Variants in BTD observed in about 807,000 individuals in gnomAD.
The protein encoded by BTD is biotinidase.
BTD carries 13 observed loss-of-function variants against 17.7 expected under a neutral mutation model. The observed-to-expected ratio is 0.74, with a 90% CI of 0.48 to 1.17. The LOEUF is 1.17. Among genes scored for constraint, BTD ranks in the 50% most tolerant of loss-of-function variants. The pLI, the probability that BTD is intolerant of heterozygous loss-of-function variation, is 0.00. For synonymous variants in BTD, 240 were observed against 245.2 expected (o/e 0.98, Z 0.20); for missense variants, 674 against 650.4 (o/e 1.04, Z -0.39).
chr3:15,714,990 A>C (rs1559392151), downstream of BTD, among the ~76,000 whole-genome samples: 1 of 152,182 alleles, frequency 6.6e-6, no homozygotes, highest in Non-Finnish European at 1.5e-5. Context: ...TTCCTTGACC[A>C]AGTAAAAGTG....
intron 1 of BTD, among the ~76,000 whole-genome samples, chr3:15,605,821 A>G (rs1466764038): frequency 1.3e-5 from 2 of 152,152 alleles, no homozygotes; most frequent in Non-Finnish European, 2.9e-5. Context: ...AGGTGGGCAG[A>G]TCATCTGAGG....
At chr3:15,704,690 C>T (rs2071115669) in intron 3 of BTD, among the ~76,000 whole-genome samples, 1 of 151,800 alleles carries the variant, frequency 6.6e-6, no homozygotes, top group Non-Finnish European at 1.5e-5. Context: ...CAATTGTACC[C>T]AATTTAAGAA....
chr3:15,652,378 G>C lies in BTD; in HGVS notation c.*6890G>C, dbSNP rs1364992857. ...TCTTGGTTGCTCACTTGCTATCTTG[G>C]GTCCCTCCCTCTGGGGAAAGCCAGT... On this transcript the variant is annotated 3_prime_UTR_variant, in exon 4 of 4. Transcript: ENST00000643237. 1.3e-5 allele frequency among the ~76,000 whole-genome samples: 2 copies of C among 152,038 alleles called. No homozygotes were observed. Among genetic ancestry groups the C allele is most frequent in the African/African-American group, 4.8e-5 (2 of 41,390 alleles).
chr3:15,636,443 T>G (rs1159481304), intron 2 of BTD, among the ~76,000 whole-genome samples: 1 of 151,972 alleles, frequency 6.6e-6, no homozygotes, highest in African/African-American at 2.4e-5. Context: ...GAGGCCCCCC[T>G]GGGGGCAAAG....
intron 3 of BTD, among the ~76,000 whole-genome samples, chr3:15,692,329 G>A (rs1473303044): frequency 1.3e-5 from 2 of 152,032 alleles, no homozygotes; most frequent in Non-Finnish European, 2.9e-5. Context: ...TGCACCTATA[G>A]TCCTAGCTAC....
chr3:15,713,667 C>G, downstream of BTD: 1 of 1,469,730 alleles, frequency 6.8e-7, no homozygotes, highest in South Asian at 1.2e-5. Context: ...TACTGTCAGA[C>G]ACTGGACCAT....
intron 1 of BTD, among the ~76,000 whole-genome samples, chr3:15,629,365 G>A (rs537527036): frequency 6.6e-6 from 1 of 152,196 alleles, no homozygotes; most frequent in South Asian, 2.1e-4. Flanking sequence ...TCCAGGCATG[G>A]GCTCCAGAGA....
At chr3:15,679,643 G>C (rs2067312746) in intron 3 of BTD, 1 of 1,109,186 alleles carries the variant, frequency 9.0e-7, no homozygotes, top group South Asian at 1.4e-5. Flanking sequence ...AGTGTTTAAA[G>C]GAAAAATGTA....
intron 3 of BTD, among the ~76,000 whole-genome samples, chr3:15,706,514 A>G (rs2071439595): frequency 1.3e-5 from 2 of 152,114 alleles, no homozygotes; most frequent in African/African-American, 4.8e-5. Context: ...GGTGGTTCCA[A>G]GTCTTTGCTA....
At chr3:15,700,317 G>A (rs1346051655) in intron 3 of BTD, among the ~76,000 whole-genome samples, 1 of 151,984 alleles carries the variant, frequency 6.6e-6, no homozygotes, top group Non-Finnish European at 1.5e-5. Flanking sequence ...CCTGGGGGAG[G>A]GATAGCATTA....
downstream of BTD, among the ~76,000 whole-genome samples, chr3:15,658,495 G>A (rs1412954287): frequency 6.6e-6 from 1 of 151,358 alleles, no homozygotes; most frequent in African/African-American, 2.4e-5. Context: ...TGTACATGTA[G>A]CCCACTTTTA....
At chr3:15,713,501 T>C, downstream of BTD, 2 of 1,579,114 alleles carry the variant, frequency 1.3e-6, no homozygotes, top group Non-Finnish European at 1.7e-6. Flanking sequence ...CCTGTATCAG[T>C]TATCAACACC....
Position 15,645,814 on chromosome 3 carries a change from A to C in BTD, c.*326A>C. 3.8e-5 allele frequency: 9 copies of C among 237,888 alleles called. No individual in the cohort carries two copies. The highest frequency in any genetic ancestry group is 1.5e-3 in the Middle Eastern group (1 of 660). The allele number at this position is 237,888 out of a possible 1,614,324, so 14.7% of individuals were successfully genotyped here. On this transcript the variant is annotated 3_prime_UTR_variant, in exon 4 of 4. Transcript: ENST00000643237. Reference sequence around the variant, plus strand: ...ATAAATGTCAGTTTATATTTTACACATCCACAAAGCAGTGGCTTGGGGTTT... The same window carrying C: ...ATAAATGTCAGTTTATATTTTACACCTCCACAAAGCAGTGGCTTGGGGTTT...
rs559651308 is a variant in BTD at position 15,635,735 on chromosome 3, T to A, written c.249+47T>A. On this transcript the variant is annotated intron_variant, in intron 2 of 3. Coordinates refer to ENST00000643237, the MANE Select transcript of BTD (RefSeq NM_001370658.1). The surrounding 1 kb of genome is among the most constrained non-coding windows in gnomAD (Gnocchi z 4.1). ...TGAGTTTCTCTCATACAGAGCAGAT[T>A]GCTCTTTACCCCTTGATCAGTGGTT... The A allele has an allele frequency of 5.0e-6, 8 of 1,612,902 alleles. No homozygotes were observed. In the African/African-American group the frequency reaches 6.7e-5, roughly 13 times the overall value.
intron 1 of BTD, among the ~76,000 whole-genome samples, chr3:15,631,839 C>A (rs1440717331): frequency 6.6e-6 from 1 of 152,146 alleles, no homozygotes; most frequent in East Asian, 1.9e-4. Context: ...CAGAGGTGCA[C>A]CTTGGTAGAC....
At chr3:15,657,614 T>C (rs1305558575), downstream of BTD, among the ~76,000 whole-genome samples, 1 of 152,162 alleles carries the variant, frequency 6.6e-6, no homozygotes, top group African/African-American at 2.4e-5. Context: ...TAAGGCACAT[T>C]ACAAGCACTA....
chr3:15,670,127 C>T, intron 3 of BTD: 1 of 911,978 alleles, frequency 1.1e-6, no homozygotes, highest in Non-Finnish European at 1.6e-6. Context: ...ACTCTTCCTC[C>T]TAATGCCATC....
chr3:15,616,812 TTCAGA>T (rs896631033), intron 1 of BTD, among the ~76,000 whole-genome samples: 12 of 152,162 alleles, frequency 7.9e-5, no homozygotes, highest in African/African-American at 2.9e-4. Flanking sequence ...GAGATGTCTG[TTCAGA>T]TCTTTTGCTT....
chr3:15,673,979 C>A (rs6786338), intron 3 of BTD, among the ~76,000 whole-genome samples: 1 of 151,242 alleles, frequency 6.6e-6, no homozygotes, highest in Non-Finnish European at 1.5e-5. Flanking sequence ...AGTTCAAGAC[C>A]GGCCTGGACA....
Sources: gnomAD v4.1 joint callset for allele counts (sites outside exome capture counted in the v4.1 genomes callset) on GRCh38, gnomAD v4.1.1 for gene constraint, Gnocchi (gnomAD v3.1) non-coding constraint, MANE v1.5 for transcripts, NCBI Gene and HGNC (gene_info 2026-07-23, HGNC 2026-07-21) for gene names.